FTO: variants seen among roughly 807,000 people sequenced by gnomAD.
The protein encoded by FTO is FTO alpha-ketoglutarate dependent dioxygenase, also known as alpha-ketoglutarate-dependent dioxygenase FTO.
A neutral mutation model predicts 63.9 loss-of-function variants in FTO; 47 were observed. The ratio of observed to expected loss-of-function variants is 0.74; its 90% CI spans 0.58 to 0.94. The LOEUF (loss-of-function observed/expected upper bound fraction) is 0.94. Among genes scored for constraint, FTO ranks in the 40% least tolerant of loss-of-function variants. The pLI is 0.00. For synonymous variants in FTO, 207 were observed against 224.4 expected, an observed-to-expected ratio of 0.92 and a Z score of 0.69; for missense variants, 562 against 618.1, an observed-to-expected ratio of 0.91 and a Z score of 0.96.
intron 1 of FTO, among the ~76,000 whole-genome samples, chr16:53,772,342 G>A (rs965286015): frequency 2.6e-5 from 4 of 152,002 alleles, no homozygotes; most frequent in South Asian, 2.1e-4. Context: ...AGGTATCTGC[G>A]TGGCTGGTTC....
rs139589825 is a variant in FTO, at chr16:53,868,557, C to CATAT, written c.896-5220_896-5217dup. ...AAATAAGCATAGATAGGCACACATA[C>CATAT]ATATATATATATGTGGCATACATAA... On this transcript the variant is annotated intron_variant, in intron 4 of 8. Transcript: ENST00000471389. 2.9e-3 allele frequency among the ~76,000 whole-genome samples: 434 copies of CATAT among 151,376 alleles called. 1 individual carries two copies. The highest frequency in any genetic ancestry group is 1.0e-2 in the African/African-American group (412 of 41,278).
chr16:53,993,010 G>A (rs2083849704), intron 8 of FTO: 1 of 152,178 alleles, frequency 6.6e-6, no homozygotes, highest in Non-Finnish European at 1.5e-5. Context: ...CTTAGCCTGG[G>A]AATTTTGACC....
chr16:53,957,171 C>T (rs34556413), intron 8 of FTO, among the ~76,000 whole-genome samples: 1 of 152,072 alleles, frequency 6.6e-6, no homozygotes, highest in Non-Finnish European at 1.5e-5. Flanking sequence ...GCTGGCATTT[C>T]TGACAGACGT....
At chr16:53,983,560 A>G (rs2083596062) in intron 8 of FTO, among the ~76,000 whole-genome samples, 1 of 152,168 alleles carries the variant, frequency 6.6e-6, no homozygotes, top group Admixed American at 6.5e-5. Flanking sequence ...TCTGCCTTCA[A>G]GTAGGGAAAA....
intron 8 of FTO, among the ~76,000 whole-genome samples, chr16:54,019,129 A>G (rs2084529341): frequency 6.6e-6 from 1 of 152,190 alleles, no homozygotes; most frequent in Non-Finnish European, 1.5e-5. Flanking sequence ...TGTAGAAACA[A>G]CAGAGATAGA....
chr16:53,838,122 C>G (rs1598789620), intron 3 of FTO, among the ~76,000 whole-genome samples: 1 of 152,330 alleles, frequency 6.6e-6, no homozygotes, highest in East Asian at 1.9e-4. Flanking sequence ...GATTTCCCAT[C>G]CCAGACATGG....
chr16:54,034,644 A>G (rs1347691940), intron 8 of FTO, among the ~76,000 whole-genome samples: 1 of 152,184 alleles, frequency 6.6e-6, no homozygotes, highest in Non-Finnish European at 1.5e-5. Flanking sequence ...CTGTTCTCCT[A>G]GTAGTTTTAG....
intron 7 of FTO, among the ~76,000 whole-genome samples, chr16:53,905,097 T>C (rs2081503670): frequency 6.6e-6 from 1 of 152,066 alleles, no homozygotes; most frequent in African/African-American, 2.4e-5. Flanking sequence ...TGGACACTAA[T>C]TCTCAGGAGT....
At chr16:53,716,805 G>T (rs2075904210) in intron 1 of FTO, among the ~76,000 whole-genome samples, 1 of 150,678 alleles carries the variant, frequency 6.6e-6, no homozygotes, top group Admixed American at 6.6e-5. Context: ...AAAAATATGA[G>T]GCAGAAAAAA....
intron 1 of FTO, among the ~76,000 whole-genome samples, chr16:53,712,833 C>T (rs1250581281): frequency 6.6e-6 from 1 of 152,042 alleles, no homozygotes; most frequent in Non-Finnish European, 1.5e-5. Flanking sequence ...TATATGTGAC[C>T]CTTCATAATT....
intron 7 of FTO, among the ~76,000 whole-genome samples, chr16:53,897,393 C>T (rs2081302276): frequency 6.6e-6 from 1 of 152,090 alleles, no homozygotes. Flanking sequence ...AGTCTTCGGG[C>T]ACTATTCATA....
At chr16:53,937,776 T>G (rs1346708454) in intron 8 of FTO, 1 of 152,292 alleles carries the variant, frequency 6.6e-6, no homozygotes, top group Non-Finnish European at 1.5e-5. Context: ...TGGAATGGAT[T>G]AAGATTTAAT....
chr16:53,949,579 A>G (rs954073321), intron 8 of FTO, among the ~76,000 whole-genome samples: 4 of 152,144 alleles, frequency 2.6e-5, no homozygotes, highest in Admixed American at 6.5e-5. Context: ...AAATAAGCCA[A>G]CATTTCCAAA....
chr16:53,929,370 G>A (rs2082225967), intron 7 of FTO, among the ~76,000 whole-genome samples: 2 of 152,188 alleles, frequency 1.3e-5, no homozygotes. Flanking sequence ...TACATCAGTT[G>A]CTCAGCCCTT....
chr16:53,784,571 T>C (rs1285747969), intron 1 of FTO, among the ~76,000 whole-genome samples: 1 of 152,170 alleles, frequency 6.6e-6, no homozygotes, highest in Non-Finnish European at 1.5e-5. Flanking sequence ...GAGGCTCCTC[T>C]GGGTGGGACT....
chr16:53,888,952 G>C lies in FTO; in HGVS notation c.1239+1G>C, dbSNP rs1185146124. 6.2e-7 allele frequency: 1 copy of C among 1,613,864 alleles called. No homozygotes were observed. The highest frequency in any genetic ancestry group is 1.3e-5 in the African/African-American group (1 of 74,916). On this transcript the variant is annotated splice_donor_variant, in intron 7 of 8. Transcript: ENST00000471389. LOFTEE classifies it high-confidence loss of function. ...ACTGTGGAAGAAGATGGAGGGTGTG[G>C]TAAGTCCATCAGACCTGGGACCGTG... is the stretch of plus-strand genomic sequence containing the variant.
chr16:53,766,828 C>T (rs941842963), intron 1 of FTO, among the ~76,000 whole-genome samples: 4 of 152,076 alleles, frequency 2.6e-5, no homozygotes, highest in African/African-American at 9.7e-5. Flanking sequence ...GAGTGTTTTT[C>T]CTTCACCTTT....
At chr16:53,919,171 C>A (rs561175982) in intron 7 of FTO, among the ~76,000 whole-genome samples, 1 of 152,170 alleles carries the variant, frequency 6.6e-6, no homozygotes, top group East Asian at 1.9e-4. Flanking sequence ...TTTTCATTTG[C>A]AAAATGGAAA....
chr16:53,858,603 G>A (rs1375988226), intron 4 of FTO, among the ~76,000 whole-genome samples: 3 of 152,094 alleles, frequency 2.0e-5, no homozygotes, highest in Admixed American at 2.0e-4. Context: ...TTGTTGATGG[G>A]TTTTGAAGAG....
Sources: allele counts gnomAD v4.1 joint callset (sites outside exome capture counted in the v4.1 genomes callset), GRCh38; gene constraint gnomAD v4.1.1; transcripts MANE v1.5; gene names NCBI Gene and HGNC (gene_info 2026-07-23, HGNC 2026-07-21).